Variants in NSRP1 observed in about 807,000 individuals in gnomAD.
NSRP1 encodes coiled-coil domain containing 55.
A neutral mutation model predicts 54.7 loss-of-function variants in NSRP1; 24 were observed. The observed-to-expected ratio is 0.44, with a 90% confidence interval of 0.32 to 0.62. NSRP1 has a LOEUF of 0.62. Among genes scored for constraint, NSRP1 ranks in the 20% least tolerant of loss-of-function variants. The pLI, the probability that NSRP1 is intolerant of heterozygous loss-of-function variation, is 0.06. For synonymous variants in NSRP1, 210 were observed against 213.8 expected, an observed-to-expected ratio of 0.98 and a Z score of 0.15; for missense variants, 596 against 651.2, an observed-to-expected ratio of 0.92 and a Z score of 0.92.
intron 2 of NSRP1, among the ~76,000 whole-genome samples, chr17:30,143,895 C>CTTAT (rs2071828282): frequency 6.6e-6 from 1 of 152,078 alleles, no homozygotes; most frequent in South Asian, 2.1e-4. Flanking sequence ...CCATGATGTG[C>CTTAT]TTATTTCACA....
intron 6 of NSRP1, among the ~76,000 whole-genome samples, chr17:30,183,423 T>G (rs986188962): frequency 6.6e-6 from 1 of 152,176 alleles, no homozygotes; most frequent in Non-Finnish European, 1.5e-5. Context: ...AGGTTTTGAA[T>G]GGAAATTATA....
At chr17:30,119,877 G>T (rs990480033) in intron 2 of NSRP1, among the ~76,000 whole-genome samples, 3 of 152,146 alleles carry the variant, frequency 2.0e-5, no homozygotes, top group African/African-American at 7.2e-5. Context: ...TACTTTTGAA[G>T]ACATTGGCTC....
At chr17:30,122,835 A>G (rs1234343479) in intron 2 of NSRP1, among the ~76,000 whole-genome samples, 3 of 152,110 alleles carry the variant, frequency 2.0e-5, no homozygotes, top group African/African-American at 7.2e-5. Flanking sequence ...GTAGCCATAT[A>G]GAAGGTGTAC....
At chr17:30,134,983 C>T (rs569812582) in intron 2 of NSRP1, among the ~76,000 whole-genome samples, 1 of 152,176 alleles carries the variant, frequency 6.6e-6, no homozygotes, top group Non-Finnish European at 1.5e-5. Context: ...ACAAAATTGA[C>T]ATCCCATTGT....
chr17:30,132,622 G>A (rs1429110861), intron 2 of NSRP1, among the ~76,000 whole-genome samples: 1 of 152,186 alleles, frequency 6.6e-6, no homozygotes, highest in Admixed American at 6.5e-5. Context: ...GTTTTATCAT[G>A]AGATTGTCAT....
chr17:30,174,606 A>G (rs1404562139), intron 3 of NSRP1, among the ~76,000 whole-genome samples: 1 of 152,300 alleles, frequency 6.6e-6, no homozygotes, highest in Admixed American at 6.5e-5. Context: ...TAAATAAAAC[A>G]TTTGCTGTAG....
intron 2 of NSRP1, among the ~76,000 whole-genome samples, chr17:30,160,047 A>G (rs891849452): frequency 1.3e-5 from 2 of 152,222 alleles, no homozygotes; most frequent in South Asian, 2.1e-4. Flanking sequence ...TTCTGCCCCA[A>G]TTGAGATGAT....
intron 2 of NSRP1, among the ~76,000 whole-genome samples, chr17:30,168,651 GTTT>G (rs1023527495): frequency 4.7e-5 from 7 of 149,862 alleles, no homozygotes; most frequent in Admixed American, 4.7e-4. Context: ...TGAGGAAATT[GTTT>G]TTAATTGTAG....
chr17:30,138,441 C>A (rs963110922), intron 2 of NSRP1, among the ~76,000 whole-genome samples: 3 of 152,156 alleles, frequency 2.0e-5, no homozygotes, highest in Non-Finnish European at 4.4e-5. Flanking sequence ...ATAGTATTTG[C>A]ACATAACCTA....
At chr17:30,119,753 T>A (rs2071580593) in intron 2 of NSRP1, among the ~76,000 whole-genome samples, 1 of 152,220 alleles carries the variant, frequency 6.6e-6, no homozygotes, top group South Asian at 2.1e-4. Context: ...TCCACCCACC[T>A]TGGCCTCCCA....
At chr17:30,147,630 A>C (rs1234273912) in intron 2 of NSRP1, among the ~76,000 whole-genome samples, 2 of 150,936 alleles carry the variant, frequency 1.3e-5, no homozygotes, top group Non-Finnish European at 3.0e-5. Flanking sequence ...CGCCCGGCTA[A>C]TTTTTTATAT....
intron 2 of NSRP1, among the ~76,000 whole-genome samples, chr17:30,137,787 A>G (rs2071763200): frequency 6.6e-6 from 1 of 152,178 alleles, no homozygotes; most frequent in Non-Finnish European, 1.5e-5. Flanking sequence ...GATAAACTGT[A>G]CTTAGTCTTG....
intron 2 of NSRP1, among the ~76,000 whole-genome samples, chr17:30,149,834 C>CAAAAAA (rs773066888): frequency 1.0e-5 from 1 of 98,710 alleles, no homozygotes; most frequent in African/African-American, 4.0e-5. Context: ...GACCCTGTCT[C>CAAAAAA]AAAAAAAAAA....
chr17:30,179,189 A>G lies in NSRP1; in HGVS notation c.400A>G (p.Lys134Glu), dbSNP rs1260393699. 3.7e-6 allele frequency: 6 copies of G among 1,611,634 alleles called. No individual in the cohort carries two copies. The East Asian group carries it at 1.3e-4, about 36-fold the overall frequency. ...KKIQREREME[K>E]GEFDDKEAFV... ...AATACAGAGAGAACGAGAAATGGAA[A>G]AGGGGGAGTTTGATGATAAAGAAGC... is the stretch of plus-strand genomic sequence containing the variant. The change falls in exon 5 of 7, where the codon AAG becomes GAG. Residue 134 changes from lysine (K) to glutamate (E), a missense_variant. Transcript: ENST00000247026.
At chr17:30,148,584 G>T (rs563544604) in intron 2 of NSRP1, among the ~76,000 whole-genome samples, 7 of 152,306 alleles carry the variant, frequency 4.6e-5, no homozygotes, top group African/African-American at 1.4e-4. Flanking sequence ...GGAAAGGAAG[G>T]GAAACAGTTT....
At chr17:30,154,554 C>A (rs2071943667) in intron 2 of NSRP1, 2 of 151,316 alleles carry the variant, frequency 1.3e-5, no homozygotes, top group Admixed American at 6.6e-5. Flanking sequence ...CTCTACAAAA[C>A]ACTAAAAAAT....
chr17:30,124,064 TAGG>T (rs1189479403), intron 2 of NSRP1, among the ~76,000 whole-genome samples: 1 of 151,454 alleles, frequency 6.6e-6, no homozygotes, highest in Non-Finnish European at 1.5e-5. Context: ...CGCTTGAGGC[TAGG>T]AGTTCAAGTC....
chr17:30,178,389 T>A (rs148615747), intron 4 of NSRP1, among the ~76,000 whole-genome samples, 190 bp downstream of exon 4: 1 of 152,160 alleles, frequency 6.6e-6, no homozygotes, highest in East Asian at 1.9e-4. Context: ...ATAGGCCAGG[T>A]GAATTATCTA....
intron 2 of NSRP1, among the ~76,000 whole-genome samples, chr17:30,148,850 C>G (rs1309815144): frequency 1.3e-5 from 2 of 152,150 alleles, no homozygotes; most frequent in African/African-American, 4.8e-5. Context: ...CTGTTACTTG[C>G]ATCTCTTTAC....
Sources: allele counts gnomAD v4.1 joint callset (sites outside exome capture counted in the v4.1 genomes callset), GRCh38; gene constraint gnomAD v4.1.1; transcripts MANE v1.5; gene names NCBI Gene and HGNC (gene_info 2026-07-23, HGNC 2026-07-21).